The following DMD variants were observed in gnomAD, a reference collection of about 807,000 sequenced individuals.
DMD encodes mutant dystrophin.
Under a neutral mutation model 330.1 loss-of-function variants are expected in DMD, and 63 were observed. That is an observed-to-expected ratio of 0.19 (90% CI 0.16 to 0.24). The LOEUF (loss-of-function observed/expected upper bound fraction) is 0.24, where lower values mean the gene tolerates loss of function less well. Among genes scored for constraint, DMD ranks in the 10% least tolerant of loss-of-function variants. The pLI is 1.00. For synonymous variants in DMD, 1,223 were observed against 959.8 expected, an observed-to-expected ratio of 1.27 and a Z score of -5.07; for missense variants, 3,344 against 2,684.1, an observed-to-expected ratio of 1.25 and a Z score of -5.43.
chrX:32,923,267 C>T (rs911866128), intron 2 of DMD, among the ~76,000 whole-genome samples: 1 of 111,321 alleles, frequency 9.0e-6, no homozygotes, highest in African/African-American at 3.3e-5. Flanking sequence ...AAAGTAAAAT[C>T]ATCTTTGTCA....
rs398123897 is a variant in DMD, at chrX:32,491,318, A to T, written c.2581T>A (p.Ser861Thr). 3.3e-6 allele frequency: 4 copies of T among 1,211,452 alleles called. No homozygotes were observed. Among genetic ancestry groups the T allele is most frequent in the Non-Finnish European group, 4.5e-6 (4 of 895,296 alleles). ...TGACTTTTAATTGCTGTTGGCTCTG[A>T]TGGGGTGGTGGGTTGGATTTTCAAC... ...NWLKIQPTTPSEPTAIKSQLK... is the reference protein window; with the variant it reads ...NWLKIQPTTPTEPTAIKSQLK... Residue 861 changes from serine (S) to threonine (T), a missense_variant, in exon 20 of 79, where the codon TCA becomes ACA. Ser to Thr is a moderately conservative substitution (Grantham distance 58). Coordinates refer to ENST00000357033, the MANE Select transcript of DMD (RefSeq NM_004006.3).
chrX:31,766,873 TTGTGTGTGTG>T (rs756777827), intron 51 of DMD, among the ~76,000 whole-genome samples: 1 of 101,052 alleles, frequency 9.9e-6, no homozygotes, highest in East Asian at 3.1e-4. Context: ...AAATATGATT[TTGTGTGTGTG>T]TGTGTGTGTG....
chrX:32,283,770 G>T (rs937613376), intron 43 of DMD, among the ~76,000 whole-genome samples: 4 of 110,584 alleles, frequency 3.6e-5, no homozygotes, highest in African/African-American at 9.9e-5. Context: ...ATTATACATG[G>T]TTTTTTTCAC....
chrX:32,848,507 AAT>A (rs1180124801), intron 3 of DMD, among the ~76,000 whole-genome samples: 3 of 111,733 alleles, frequency 2.7e-5, no homozygotes, highest in East Asian at 2.8e-4. Flanking sequence ...TTATTATTTC[AAT>A]ATGTCATCAA....
intron 54 of DMD, among the ~76,000 whole-genome samples, chrX:31,635,311 T>C (rs992280771): frequency 8.0e-5 from 9 of 112,153 alleles, no homozygotes; most frequent in African/African-American, 2.6e-4. Context: ...CTAATGTTGA[T>C]AGACTAAGCA....
chrX:32,262,302 C>T (rs1458628829), intron 43 of DMD, among the ~76,000 whole-genome samples: 2 of 111,471 alleles, frequency 1.8e-5, no homozygotes, highest in African/African-American at 6.5e-5. Flanking sequence ...CTATAAAACG[C>T]AAACTTATCT....
At position 31,187,716 on chromosome X, in the gene DMD, TCAGAGAGAGAGAGAGA is replaced by T. The variant is rs1419741863; in HGVS notation, c.9808-4828_9808-4813del. On this transcript the variant is annotated intron_variant, in intron 67 of 78. Transcript: ENST00000357033. ...TCAGCTCTGGAATCTTCCCAGATTC[TCAGAGAGAGAGAGAGA>T]GAGAGAGAGAGAGAGAGAGAGAGAG... Among the ~76,000 whole-genome samples, 78 of 76,623 alleles carry T rather than the reference TCAGAGAGAGAGAGAGA, an allele frequency of 1.0e-3. 1 individual carries two copies. The highest frequency in any genetic ancestry group is 3.4e-3 in the African/African-American group (66 of 19,264). 66.5% of individuals were successfully genotyped at this position (76,623 alleles called of 115,157 possible).
In DMD at chrX:31,627,806, G is replaced by A; in HGVS notation, c.8084C>T (p.Pro2695Leu). The A allele has an allele frequency of 8.3e-7, 1 of 1,210,655 alleles. No individual in the cohort carries two copies. Among genetic ancestry groups the A allele is most frequent in the Non-Finnish European group, 1.1e-6 (1 of 895,057 alleles). Residue 2695 changes from proline (P) to leucine (L), a missense_variant, in exon 55 of 79, where the codon CCC (proline) becomes CTC (leucine). Transcript: ENST00000357033. The part of the protein sequence containing the change: ...EETHRLLQQF[P>L]LDLEKFLAWL... The stretch of plus-strand genomic sequence containing the variant: ...GGCAAGAAACTTTTCCAGGTCCAGG[G>A]GGAACTGTTGCAGTAATCTATGAGT...
intron 7 of DMD, among the ~76,000 whole-genome samples, chrX:32,724,054 T>C (rs2066610287): frequency 9.0e-6 from 1 of 111,715 alleles, no homozygotes; most frequent in African/African-American, 3.2e-5. Context: ...TTAGCACATA[T>C]TGTTGTATTT....
chrX:31,708,075 GTTA>G (rs2084335281), intron 52 of DMD, among the ~76,000 whole-genome samples: 1 of 111,785 alleles, frequency 8.9e-6, no homozygotes, highest in Non-Finnish European at 1.9e-5. Flanking sequence ...CATCATTTGT[GTTA>G]TTACTAAAAA....
intron 48 of DMD, among the ~76,000 whole-genome samples, chrX:31,867,314 A>T (rs2093818256): frequency 9.1e-6 from 1 of 109,920 alleles, no homozygotes; most frequent in African/African-American, 3.3e-5. Flanking sequence ...TTTAGAAAGT[A>T]GTGTTTTCTC....
At chrX:32,279,136 C>T (rs62591895) in intron 43 of DMD, among the ~76,000 whole-genome samples, 14,660 of 110,939 alleles carry the variant, frequency 0.13, 967 homozygotes, top group Admixed American at 0.26. Context: ...CCAATTAAAA[C>T]GACATATCCA....
chrX:31,248,166 CAT>C (rs1186658819), intron 63 of DMD, among the ~76,000 whole-genome samples: 1 of 112,196 alleles, frequency 8.9e-6, no homozygotes, highest in African/African-American at 3.2e-5. Context: ...TTTTTTAAGA[CAT>C]AATGCTGTTG....
At chrX:32,944,758 T>C (rs5972718) in intron 2 of DMD, among the ~76,000 whole-genome samples, 37,054 of 108,619 alleles carry the variant, frequency 0.34, 6,980 homozygotes, top group African/African-American at 0.71. Context: ...GCGCCTGCCA[T>C]CATGCCCGGC....
At chrX:32,664,444 T>C (rs773027980) in intron 9 of DMD, among the ~76,000 whole-genome samples, 1 of 109,895 alleles carries the variant, frequency 9.1e-6, no homozygotes, top group African/African-American at 3.3e-5. Context: ...GGTTTCACCG[T>C]GTTAGCCAGG....
chrX:32,495,742 A>C (rs1056599837), intron 19 of DMD, among the ~76,000 whole-genome samples: 1 of 110,929 alleles, frequency 9.0e-6, no homozygotes, highest in Non-Finnish European at 1.9e-5. Flanking sequence ...TATTCCATAG[A>C]ATTATGCTCC....
chrX:32,348,580 C>T, intron 37 of DMD, 52 bp from the exon 38 acceptor site: 1 of 1,056,042 alleles, frequency 9.5e-7, no homozygotes, highest in Middle Eastern at 2.5e-4. Flanking sequence ...TTATTAGAAA[C>T]ATAAACCAAA....
chrX:32,106,826 G>A lies in DMD; in HGVS notation c.6438+110090C>T, dbSNP rs2096566087. Among the ~76,000 whole-genome samples, 2 of 111,567 alleles carry A rather than the reference G, an allele frequency of 1.8e-5. 1 individual carries two copies. Among genetic ancestry groups the A allele is most frequent in the Admixed American group, 1.9e-4 (2 of 10,461 alleles). On this transcript the variant is annotated intron_variant, in intron 44 of 78. Coordinates refer to ENST00000357033, the MANE Select transcript of DMD (RefSeq NM_004006.3). ...CTCCACTTGAGTAATGCAATCAACTGGCAGGTACAATTACCATGAGGCAGA... is the reference window on the plus strand; with the variant it reads ...CTCCACTTGAGTAATGCAATCAACTAGCAGGTACAATTACCATGAGGCAGA...
At chrX:32,475,069 C>A (rs1011931401) in intron 21 of DMD, among the ~76,000 whole-genome samples, 3 of 111,404 alleles carry the variant, frequency 2.7e-5, no homozygotes, top group Non-Finnish European at 5.7e-5. Flanking sequence ...CAGTCTCCCA[C>A]ATGTGGCTAG....
Sources: gnomAD v4.1 joint callset for allele counts (sites outside exome capture counted in the v4.1 genomes callset) on GRCh38, gnomAD v4.1.1 for gene constraint, MANE v1.5 for transcripts, NCBI Gene and HGNC (gene_info 2026-07-23, HGNC 2026-07-21) for gene names.